The following AMN1 variants were observed in gnomAD, a reference collection of about 807,000 sequenced individuals.
AMN1 encodes the protein protein AMN1 homolog.
AMN1 carries 20 observed loss-of-function variants against 33.0 expected under a neutral mutation model. That is an observed-to-expected ratio of 0.61 (90% CI 0.43 to 0.88). The LOEUF (loss-of-function observed/expected upper bound fraction) is 0.88. AMN1 is among the 40% of genes least tolerant of loss of function. The pLI is 0.00. For missense variants in AMN1, 246 were observed against 307.4 expected, an observed-to-expected ratio of 0.80 and a Z score of 1.49; for synonymous variants, 114 against 111.9, an observed-to-expected ratio of 1.02 and a Z score of -0.12.
rs370097824 is a variant in AMN1 at position 31,708,209 on chromosome 12, G to A, written c.171+1084C>T. On this transcript the variant is annotated intron_variant, in intron 2 of 6. Transcript: ENST00000281471. ...CCTATAAACAGACGTGCAAGTAGGAGAGATATTGCTAAATTCTTTTCCTAG... is the reference window on the plus strand; with the variant it reads ...CCTATAAACAGACGTGCAAGTAGGAAAGATATTGCTAAATTCTTTTCCTAG... Among the ~76,000 whole-genome samples, 10 of 152,310 alleles carry A rather than the reference G, an allele frequency of 6.6e-5. No homozygotes were observed. In the East Asian group the frequency reaches 1.4e-3, roughly 21 times the overall value.
intron 6 of AMN1, 124 bp downstream of exon 6, chr12:31,688,883 A>G (rs1938382467): frequency 1.9e-6 from 1 of 513,338 alleles, no homozygotes; most frequent in East Asian, 3.2e-5. Flanking sequence ...TGAGGTAGGT[A>G]CTCTCATTAT....
chr12:31,701,812 AC>A (rs1428609462), intron 3 of AMN1, 50 bp downstream of exon 3: 1 of 1,476,476 alleles, frequency 6.8e-7, no homozygotes, highest in African/African-American at 1.5e-5. Flanking sequence ...CCACAATTTT[AC>A]CAGATAGTGA....
chr12:31,711,566 C>T (rs1161727078), intron 1 of AMN1, among the ~76,000 whole-genome samples: 1 of 152,100 alleles, frequency 6.6e-6, no homozygotes, highest in Non-Finnish European at 1.5e-5. Flanking sequence ...ATATCCTTTG[C>T]CTGTTTTGTT....
chr12:31,704,371 G>T (rs1256574341), intron 2 of AMN1, among the ~76,000 whole-genome samples: 1 of 151,696 alleles, frequency 6.6e-6, no homozygotes, highest in Non-Finnish European at 1.5e-5. Flanking sequence ...GATTCTTCTG[G>T]TTTTTTATTT....
At chr12:31,713,865 AT>A (rs138348189) in intron 1 of AMN1, among the ~76,000 whole-genome samples, 1 of 151,808 alleles carries the variant, frequency 6.6e-6, no homozygotes, top group Non-Finnish European at 1.5e-5. Context: ...GAAAAAAAAA[AT>A]TTTCTGATAA....
intron 2 of AMN1, among the ~76,000 whole-genome samples, chr12:31,707,488 G>GA (rs1326232240): frequency 2.6e-5 from 4 of 152,146 alleles, no homozygotes; most frequent in Non-Finnish European, 5.9e-5. Flanking sequence ...TGCCACTTCT[G>GA]AAAAGACTAT....
In AMN1 at chr12:31,692,451, C is replaced by CA. The variant is rs5797431; in HGVS notation, c.592-3334dup. ...TGAGTGACAAAGTGAGACTCTGTCT[C>CA]AAAAAAAAAAAACAAACGAAAAAAA... On this transcript the variant is annotated intron_variant, in intron 5 of 6. Coordinates refer to ENST00000281471, the MANE Select transcript of AMN1 (RefSeq NM_001113402.2). 6.9e-4 allele frequency among the ~76,000 whole-genome samples: 86 copies of CA among 125,002 alleles called. 1 individual carries two copies. Among genetic ancestry groups the CA allele is most frequent in the Admixed American group, 1.4e-3 (17 of 12,306 alleles). The allele number at this position is 125,002 out of a possible 152,430, so 82.0% of individuals were successfully genotyped here.
intron 1 of AMN1, among the ~76,000 whole-genome samples, chr12:31,728,068 C>T (rs1162643480): frequency 6.6e-6 from 1 of 152,034 alleles, no homozygotes; most frequent in African/African-American, 2.4e-5. Context: ...GCCACGTTGC[C>T]CAGGCTGGTC....
rs184166946 is a variant in AMN1 at position 31,717,516 on chromosome 12, T to A, written c.39-8091A>T. ...AAATGGTATTCCTGGATAAACACATTCGTTATGAAGAAAGATTAAATAAAT... is the reference window on the plus strand; with the variant it reads ...AAATGGTATTCCTGGATAAACACATACGTTATGAAGAAAGATTAAATAAAT... On this transcript the variant is annotated intron_variant, in intron 1 of 6. Transcript: ENST00000281471. Among the ~76,000 whole-genome samples, 16 of 152,320 alleles carry A rather than the reference T, an allele frequency of 1.1e-4. No homozygotes were observed. The East Asian group carries it at 3.1e-3, about 29-fold the overall frequency.
Position 31,682,119 on chromosome 12 carries a change from G to A in AMN1, c.703+6888C>T, listed in dbSNP as rs548484225. On this transcript the variant is annotated intron_variant, in intron 6 of 6. Coordinates refer to ENST00000281471, the MANE Select transcript of AMN1 (RefSeq NM_001113402.2). ...ATTTGGAAATGCTTGGACAAACGAAGTTAAACAGTTTCTTAGCTATAGTAT... is the reference window on the plus strand; with the variant it reads ...ATTTGGAAATGCTTGGACAAACGAAATTAAACAGTTTCTTAGCTATAGTAT... 5.3e-5 allele frequency among the ~76,000 whole-genome samples: 8 copies of A among 152,306 alleles called. 1 individual carries two copies. In the Middle Eastern group the frequency reaches 0.027, roughly 518 times the overall value.
At chr12:31,676,164 A>G (rs1166092421) in intron 6 of AMN1, among the ~76,000 whole-genome samples, 1 of 151,804 alleles carries the variant, frequency 6.6e-6, no homozygotes, top group African/African-American at 2.4e-5. Flanking sequence ...TCTGAAAACT[A>G]TAAGACTTTA....
Position 31,729,009 on chromosome 12 carries a change from C to A in AMN1, c.-1G>T, listed in dbSNP as rs1443973262. 7.1e-6 allele frequency: 11 copies of A among 1,544,088 alleles called. No individual in the cohort carries two copies. Among genetic ancestry groups the A allele is most frequent in the African/African-American group, 4.1e-5 (3 of 72,904 alleles). Reference sequence around the variant, plus strand: ...GACTGACCCGCCGTGGGCGAGGCATCGCTGCAGCGTCTGAAGCCTCTTCCG... The same window carrying A: ...GACTGACCCGCCGTGGGCGAGGCATAGCTGCAGCGTCTGAAGCCTCTTCCG... On this transcript the variant is annotated 5_prime_UTR_variant, in exon 1 of 7. Transcript: ENST00000281471.
At chr12:31,690,221 T>A (rs1938442946) in intron 5 of AMN1, among the ~76,000 whole-genome samples, 1 of 152,258 alleles carries the variant, frequency 6.6e-6, no homozygotes, top group African/African-American at 2.4e-5. Flanking sequence ...TATAAACATG[T>A]GTGTACAAGT....
intron 1 of AMN1, among the ~76,000 whole-genome samples, chr12:31,711,018 T>C (rs1939445497): frequency 6.6e-6 from 1 of 152,064 alleles, no homozygotes; most frequent in Non-Finnish European, 1.5e-5. Flanking sequence ...CAAGCAATTC[T>C]TCTGCCTCAG....
intron 1 of AMN1, among the ~76,000 whole-genome samples, chr12:31,710,551 T>TACACAC (rs112841301): frequency 0.046 from 6,776 of 147,486 alleles, 188 homozygotes; most frequent in Non-Finnish European, 0.064. Context: ...TCTGTTCTTG[T>TACACAC]ACACACACAC....
At chr12:31,677,960 C>T (rs1192139378) in intron 6 of AMN1, among the ~76,000 whole-genome samples, 2 of 152,146 alleles carry the variant, frequency 1.3e-5, no homozygotes, top group African/African-American at 4.8e-5. Flanking sequence ...CCGCCCTATA[C>T]CCTGGAAAAA....
chr12:31,689,003 T>C lies in AMN1; in HGVS notation c.703+4A>G. On this transcript the variant is annotated splice_donor_region_variant and intron_variant, in intron 6 of 6. Transcript: ENST00000281471. ...TTTGAACCCAAGCAATCTATTGCAC[T>C]AACCTGTTATCAAGGGGCATCCATG... 1.3e-6 allele frequency: 2 copies of C among 1,599,742 alleles called. No individual in the cohort carries two copies. Among genetic ancestry groups the C allele is most frequent in the South Asian group, 1.1e-5 (1 of 90,256 alleles).
At chr12:31,703,041 TTA>T (rs1409029660) in intron 2 of AMN1, among the ~76,000 whole-genome samples, 173 of 152,268 alleles carry the variant, frequency 1.1e-3, no homozygotes, top group African/African-American at 4.0e-3. Flanking sequence ...CTGGCCTACA[TTA>T]TGTTATTTAA....
intron 6 of AMN1, among the ~76,000 whole-genome samples, chr12:31,674,026 T>G (rs1245562400): frequency 1.3e-5 from 2 of 152,040 alleles, no homozygotes; most frequent in African/African-American, 2.4e-5. Context: ...TTTTTTTTTT[T>G]GGAGGCTCTA....
Sources: allele counts gnomAD v4.1 joint callset (sites outside exome capture counted in the v4.1 genomes callset), GRCh38; gene constraint gnomAD v4.1.1; transcripts MANE v1.5; gene names NCBI Gene and HGNC (gene_info 2026-07-23, HGNC 2026-07-21).